PATL2: variants seen among roughly 807,000 people sequenced by gnomAD.
The protein encoded by PATL2 is PAT1 homolog 2.
PATL2 carries 73 observed loss-of-function variants against 77.0 expected under a neutral mutation model. That is an observed-to-expected ratio of 0.95 (90% CI 0.78 to 1.15). The LOEUF (loss-of-function observed/expected upper bound fraction) is 1.15, where lower values mean the gene tolerates loss of function less well. Ranked by LOEUF, PATL2 falls within the 50% of genes most tolerant of loss-of-function variation. The probability of loss-of-function intolerance (pLI) is 0.00; values close to 1 mark genes in which losing one functional copy is unlikely to be tolerated. For synonymous variants in PATL2, 265 were observed against 257.1 expected, an observed-to-expected ratio of 1.03 and a Z score of -0.29; for missense variants, 618 against 655.4, an observed-to-expected ratio of 0.94 and a Z score of 0.62.
At chr15:44,673,094 G>T (rs1363808139) in intron 7 of PATL2, 141 bp downstream of exon 7, 2 of 1,154,026 alleles carry the variant, frequency 1.7e-6, no homozygotes, top group African/African-American at 1.6e-5. Context: ...GGGCTAATTT[G>T]TGAGGGAGAC....
intron 3 of PATL2, among the ~76,000 whole-genome samples, chr15:44,677,511 T>A (rs140138777): frequency 6.6e-6 from 1 of 152,050 alleles, no homozygotes; most frequent in Non-Finnish European, 1.5e-5. Flanking sequence ...TAAAAACAAA[T>A]CAACAACAAC....
At chr15:44,697,773 T>C (rs991334585) in intron 3 of PATL2, among the ~76,000 whole-genome samples, 1 of 152,198 alleles carries the variant, frequency 6.6e-6, no homozygotes, top group African/African-American at 2.4e-5. Context: ...AAGATTTGAA[T>C]CCCAGCTCAG....
At chr15:44,696,471 G>T (rs1457937193) in intron 3 of PATL2, among the ~76,000 whole-genome samples, 2 of 152,098 alleles carry the variant, frequency 1.3e-5, no homozygotes, top group Non-Finnish European at 2.9e-5. Flanking sequence ...TTATATTTCT[G>T]TACTACTTGA....
chr15:44,666,756 A>C, intron 16 of PATL2: 2 of 550,318 alleles, frequency 3.6e-6, no homozygotes, highest in Non-Finnish European at 6.3e-6. Context: ...ATGAGGGGTT[A>C]ATACCATCAT....
intron 3 of PATL2, among the ~76,000 whole-genome samples, chr15:44,695,715 G>C (rs993148082): frequency 6.6e-6 from 1 of 152,152 alleles, no homozygotes; most frequent in Non-Finnish European, 1.5e-5. Flanking sequence ...AACAAAAACA[G>C]TCACAAGCCC....
intron 9 of PATL2, among the ~76,000 whole-genome samples, chr15:44,671,045 C>G (rs555530989): frequency 1.3e-5 from 2 of 152,230 alleles, no homozygotes; most frequent in South Asian, 2.1e-4. Flanking sequence ...GCCAAAAAGG[C>G]AAGAATACAA....
intron 3 of PATL2, among the ~76,000 whole-genome samples, chr15:44,702,848 A>G (rs1302812027): frequency 6.6e-6 from 1 of 152,108 alleles, no homozygotes; most frequent in Non-Finnish European, 1.5e-5. Context: ...GTGGTCAGAG[A>G]AGATATTTGA....
chr15:44,700,898 G>A lies in PATL2; in HGVS notation c.-76+9198C>T, dbSNP rs115495302. 8.3e-3 allele frequency among the ~76,000 whole-genome samples: 1,267 copies of A among 152,258 alleles called. 20 individuals carry two copies. Among genetic ancestry groups the A allele is most frequent in the African/African-American group, 0.029 (1,208 of 41,530 alleles). On this transcript the variant is annotated intron_variant, in intron 3 of 17. Coordinates refer to ENST00000682850, the MANE Select transcript of PATL2 (RefSeq NM_001387263.1). Reference sequence around the variant, plus strand: ...CCCCTAATTCACTATGATACTAGCTGTGGGTTTGTCATATAGCTTTTACTG... The same window carrying A: ...CCCCTAATTCACTATGATACTAGCTATGGGTTTGTCATATAGCTTTTACTG...
At chr15:44,707,958 T>C (rs2086774958) in intron 3 of PATL2, among the ~76,000 whole-genome samples, 1 of 152,232 alleles carries the variant, frequency 6.6e-6, no homozygotes, top group Non-Finnish European at 1.5e-5. Flanking sequence ...AAATGATCCC[T>C]CCATGGGACC....
At chr15:44,683,069 G>A (rs1473224035) in intron 3 of PATL2, among the ~76,000 whole-genome samples, 1 of 152,186 alleles carries the variant, frequency 6.6e-6, no homozygotes, top group Non-Finnish European at 1.5e-5. Context: ...CAGATACTAC[G>A]CTTTTCCCAT....
intron 3 of PATL2, among the ~76,000 whole-genome samples, chr15:44,692,669 G>A (rs1028695643): frequency 6.6e-6 from 1 of 152,212 alleles, no homozygotes; most frequent in African/African-American, 2.4e-5. Context: ...GATAGGTTGG[G>A]GCCAGGTTGT....
intron 9 of PATL2, among the ~76,000 whole-genome samples, chr15:44,671,756 T>C (rs1260427808): frequency 6.6e-6 from 1 of 152,174 alleles, no homozygotes; most frequent in Non-Finnish European, 1.5e-5. Flanking sequence ...ACAGGGAAAA[T>C]TCTTAGCAAA....
At position 44,682,686 on chromosome 15, in the gene PATL2, C is replaced by T. The variant is rs540486152; in HGVS notation, c.-75-6121G>A. Among the ~76,000 whole-genome samples, 18 of 152,256 alleles carry T rather than the reference C, an allele frequency of 1.2e-4. 1 individual carries two copies. In the Middle Eastern group the frequency reaches 0.01, roughly 86 times the overall value. On this transcript the variant is annotated intron_variant, in intron 3 of 17. Transcript: ENST00000682850. ...GCCAGAAATCATAAAAGAAAAGATA[C>T]GTAGATTTCACTAAAGAAAGTTAAA...
chr15:44,694,483 T>C (rs953650122), intron 3 of PATL2, among the ~76,000 whole-genome samples: 2 of 152,144 alleles, frequency 1.3e-5, no homozygotes, highest in Non-Finnish European at 2.9e-5. Flanking sequence ...CTGTTTTCCT[T>C]TCTCTTTCTT....
chr15:44,665,788 A>T lies in PATL2; in HGVS notation c.*165T>A. ...TATGCCATGTCTTATTTTTAGGCAC[A>T]TCATTTAGATTTTTGAAGAAAGGAT... is the stretch of plus-strand genomic sequence containing the variant. On this transcript the variant is annotated 3_prime_UTR_variant, in exon 18 of 18. Transcript: ENST00000682850. 4.0e-6 allele frequency: 6 copies of T among 1,506,176 alleles called. No individual in the cohort carries two copies. Among genetic ancestry groups the T allele is most frequent in the Non-Finnish European group, 5.3e-6 (6 of 1,127,002 alleles). The allele number at this position is 1,506,176 out of a possible 1,614,324, so 93.3% of individuals were successfully genotyped here.
At chr15:44,666,194 C>A (rs1000549660) in intron 17 of PATL2, among the ~76,000 whole-genome samples, 198 bp downstream of exon 17, 14 of 152,080 alleles carry the variant, frequency 9.2e-5, no homozygotes, top group African/African-American at 3.1e-4. Context: ...CTATAAATGA[C>A]CAAAGCACCT....
At position 44,674,115 on chromosome 15, in the gene PATL2, C is replaced by T. The variant is rs537928045; in HGVS notation, c.303+35G>A. 8 of 1,506,696 alleles carry T rather than the reference C, an allele frequency of 5.3e-6. No homozygotes were observed. In the East Asian group the frequency reaches 1.5e-4, roughly 28 times the overall value. 93.3% of individuals were successfully genotyped at this position (1,506,696 alleles called of 1,614,324 possible). A position where few individuals can be genotyped will look rare whatever the true frequency, so the allele number is the denominator to read the frequency against. On this transcript the variant is annotated intron_variant, in intron 6 of 17. Transcript: ENST00000682850. ...GACTGAACATAATAGATGGAATCCT[C>T]ACTACCCACAGTATGGAGACTGCAG...
At chr15:44,703,510 C>A (rs771006926) in intron 3 of PATL2, among the ~76,000 whole-genome samples, 2 of 151,798 alleles carry the variant, frequency 1.3e-5, no homozygotes, top group African/African-American at 4.9e-5. Context: ...ATACTCTGGC[C>A]GAATTAACCT....
Position 44,672,575 on chromosome 15 carries a change from C to T in PATL2, c.447-119G>A. 4 of 1,023,774 alleles carry T rather than the reference C, an allele frequency of 3.9e-6. 1 individual carries two copies. In the Middle Eastern group the frequency reaches 8.3e-4, roughly 213 times the overall value. 63.4% of individuals were successfully genotyped at this position (1,023,774 alleles called of 1,614,324 possible). A position where few individuals can be genotyped will look rare whatever the true frequency, so the allele number is the denominator to read the frequency against. On this transcript the variant is annotated intron_variant, in intron 7 of 17. Coordinates refer to ENST00000682850, the MANE Select transcript of PATL2 (RefSeq NM_001387263.1). The stretch of plus-strand genomic sequence containing the variant: ...CTAAGGAACCTTATCTGTTTAGGTA[C>T]TTTCCCAAAGTCAGCCACATGGCAC...
Sources: gnomAD v4.1 joint callset for allele counts (sites outside exome capture counted in the v4.1 genomes callset) on GRCh38, gnomAD v4.1.1 for gene constraint, MANE v1.5 for transcripts, NCBI Gene and HGNC (gene_info 2026-07-23, HGNC 2026-07-21) for gene names.